Variants in MAP9 observed in about 807,000 individuals in gnomAD.
The protein encoded by MAP9 is microtubule-associated protein 9.
Under a neutral mutation model 75.2 loss-of-function variants are expected in MAP9, and 80 were observed. That is an observed-to-expected ratio of 1.06 (90% CI 0.89 to 1.28). The LOEUF is 1.28. Ranked by LOEUF, MAP9 falls within the 50% of genes most tolerant of loss-of-function variation. The pLI is 0.00. For synonymous variants in MAP9, 235 were observed against 237.3 expected (o/e 0.99, Z 0.09); for missense variants, 753 against 719.9 (o/e 1.05, Z -0.53).
chr4:155,353,214 C>T lies in MAP9; in HGVS notation c.1507G>A (p.Glu503Lys). The T allele has an allele frequency of 6.3e-7, 1 of 1,599,608 alleles. No individual in the cohort carries two copies. The highest frequency in any genetic ancestry group is 8.5e-7 in the Non-Finnish European group (1 of 1,174,598). The change falls in exon 11 of 14, where the codon GAA becomes AAA. Residue 503 changes from glutamate to lysine, a missense_variant. By Grantham distance (56) the Glu-to-Lys change is moderately conservative. Transcript: ENST00000311277. ...LEEKNKKKTE[E>K]ENAARKGEAL... is the part of the protein sequence containing the mutation. Reference sequence around the variant, plus strand: ...TCTCCTTTTCTTGCAGCATTTTCTTCTTCAGTTTTCTTCTTGTTTTTTTCT... The same window carrying T: ...TCTCCTTTTCTTGCAGCATTTTCTTTTTCAGTTTTCTTCTTGTTTTTTTCT...
Position 155,347,046 on chromosome 4 carries a change from A to G in MAP9, c.*737T>C, listed in dbSNP as rs1352787934. ...TGTGGAATTTCCATAACTAATACAT[A>G]AGTATATCACTACTGTGACATTGAT... is the stretch of plus-strand genomic sequence containing the variant. On this transcript the variant is annotated 3_prime_UTR_variant, in exon 14 of 14. Transcript: ENST00000311277. 6.6e-6 allele frequency: 1 copy of G among 152,174 alleles called. No individual in the cohort carries two copies. Among genetic ancestry groups the G allele is most frequent in the Non-Finnish European group, 1.5e-5 (1 of 68,036 alleles). The allele number at this position is 152,174 out of a possible 1,614,324, so 9.4% of individuals were successfully genotyped here.
chr4:155,364,362 A>C (rs2111251437), intron 5 of MAP9, among the ~76,000 whole-genome samples: 1 of 151,586 alleles, frequency 6.6e-6, no homozygotes, highest in East Asian at 1.9e-4. Flanking sequence ...CTGACAGGAC[A>C]CAAAATGGTA....
Position 155,344,742 on chromosome 4 carries a change from T to G in MAP9, c.*3041A>C, listed in dbSNP as rs1731223990. 6.6e-6 allele frequency: 1 copy of G among 152,012 alleles called. No individual in the cohort carries two copies. Among genetic ancestry groups the G allele is most frequent in the Non-Finnish European group, 1.5e-5 (1 of 67,886 alleles). 9.4% of individuals were successfully genotyped at this position (152,012 alleles called of 1,614,324 possible). A position where few individuals can be genotyped will look rare whatever the true frequency, so the allele number is the denominator to read the frequency against. ...ATCTAAAATGCCATATTGCATCTTT[T>G]AAGTTAAATAGCATTACCACTTTCT... On this transcript the variant is annotated 3_prime_UTR_variant, in exon 14 of 14. Coordinates refer to ENST00000311277, the MANE Select transcript of MAP9 (RefSeq NM_001039580.2).
chr4:155,370,646 CA>C (rs1732551396), intron 4 of MAP9, among the ~76,000 whole-genome samples: 1 of 150,176 alleles, frequency 6.7e-6, no homozygotes, highest in African/African-American at 2.5e-5. Flanking sequence ...GGTGTTGAGT[CA>C]ATTTTTTTTA....
Position 155,353,025 on chromosome 4 carries a change from T to G in MAP9, c.1575A>C (p.Glu525Asp). Residue 525 changes from glutamate (E) to aspartate (D), a missense_variant, in exon 12 of 14, where the codon GAA (glutamate) becomes GAC (aspartate). Glu to Asp is a conservative substitution (Grantham distance 45). Transcript: ENST00000311277. ...CCTTTCTATTTTTCTCTTTAAGATA[T>G]TCCATCTTTTTCTCTTTCCATTTTT... ...AFEKWKEKKM[E>D]YLKEKNRKER... 1.3e-6 allele frequency: 2 copies of G among 1,539,248 alleles called. No homozygotes were observed. Among genetic ancestry groups the G allele is most frequent in the Non-Finnish European group, 1.8e-6 (2 of 1,137,552 alleles).
intron 9 of MAP9, among the ~76,000 whole-genome samples, chr4:155,355,393 T>C (rs751447644): frequency 6.6e-6 from 1 of 152,022 alleles, no homozygotes; most frequent in African/African-American, 2.4e-5. Flanking sequence ...TTTTTGTTCA[T>C]AATAACTCCT....
At chr4:155,353,857 A>G (rs915089728) in intron 10 of MAP9, among the ~76,000 whole-genome samples, 18 of 152,206 alleles carry the variant, frequency 1.2e-4, no homozygotes, top group African/African-American at 4.3e-4. Context: ...CCAAATGTTG[A>G]AAGTATGTGC....
intron 5 of MAP9, among the ~76,000 whole-genome samples, chr4:155,367,706 A>G (rs1732393452): frequency 6.6e-6 from 1 of 152,226 alleles, no homozygotes; most frequent in Non-Finnish European, 1.5e-5. Context: ...ACTGCAGAAC[A>G]AGATTTGAAT....
At chr4:155,369,008 C>A (rs1324807626) in intron 4 of MAP9, among the ~76,000 whole-genome samples, 196 bp from the exon 5 acceptor site, 1 of 152,070 alleles carries the variant, frequency 6.6e-6, no homozygotes, top group African/African-American at 2.4e-5. Context: ...ATAATCAGGC[C>A]GGACGCGGTG....
intron 10 of MAP9, 140 bp downstream of exon 10, chr4:155,354,931 C>G (rs1340428692): frequency 4.4e-6 from 2 of 457,940 alleles, no homozygotes; most frequent in East Asian, 8.8e-5. Context: ...TAAAGTAAAA[C>G]AGAAGTAAAA....
rs753039289 is a variant in MAP9, at chr4:155,368,625, T to C, written c.669A>G (p.Glu223=). 1.6e-5 allele frequency: 26 copies of C among 1,614,090 alleles called. No individual in the cohort carries two copies. In the South Asian group the frequency reaches 2.7e-4, roughly 17 times the overall value. ...SLPTPNGIQL[E]AEKKAFSENL... is the part of the protein sequence containing the mutation. ...TTTCAGAGAATGCTTTTTTCTCAGC[T>C]TCTAATTGTATGCCATTCGGCGTTG... The change falls in exon 5 of 14, where the codon GAA becomes GAG. Residue 223 remains glutamate, a synonymous_variant. Transcript: ENST00000311277.
In MAP9 at chr4:155,355,853, T is replaced by G. The variant is rs1384002927; in HGVS notation, c.1153A>C (p.Ser385Arg). The G allele has an allele frequency of 1.9e-6, 3 of 1,613,444 alleles. No homozygotes were observed. In the East Asian group the frequency reaches 6.7e-5, roughly 36 times the overall value. ...GTCGATGGAGTTCTCCTTTTAGAACTAGATTTCTTCAAAAACTCAGAGGTC... is the reference window on the plus strand; with the variant it reads ...GTCGATGGAGTTCTCCTTTTAGAACGAGATTTCTTCAAAAACTCAGAGGTC... ...LMTSEFLKKS[S>R]SKRRTPSTTT... is the part of the protein sequence containing the mutation. Residue 385 changes from serine (S) to arginine (R), a missense_variant, in exon 9 of 14, where the codon AGT becomes CGT. Physicochemically the swap from Ser to Arg is moderately radical, Grantham distance 110 (BLOSUM62 -1). Coordinates refer to ENST00000311277, the MANE Select transcript of MAP9 (RefSeq NM_001039580.2).
intron 4 of MAP9, among the ~76,000 whole-genome samples, chr4:155,369,389 T>C (rs1336460248): frequency 6.8e-6 from 1 of 147,978 alleles, no homozygotes; most frequent in East Asian, 1.9e-4. Flanking sequence ...AAAGAAACAG[T>C]TGTCATCCTG....
At chr4:155,370,192 A>T (rs1299734570) in intron 4 of MAP9, among the ~76,000 whole-genome samples, 2 of 152,054 alleles carry the variant, frequency 1.3e-5, no homozygotes, top group African/African-American at 2.4e-5. Context: ...ATCAATTCTA[A>T]TTGCCAAATA....
At chr4:155,372,557 A>C (rs1250001151) in intron 4 of MAP9, among the ~76,000 whole-genome samples, 2 of 152,190 alleles carry the variant, frequency 1.3e-5, no homozygotes, top group Non-Finnish European at 2.9e-5. Flanking sequence ...ACTGAATCTT[A>C]GTAGATTTTC....
intron 4 of MAP9, 139 bp from the exon 5 acceptor site, chr4:155,368,951 CTCT>C: frequency 1.5e-6 from 1 of 657,796 alleles, no homozygotes; most frequent in Non-Finnish European, 2.6e-6. Flanking sequence ...AAGCCCACAA[CTCT>C]TCTCTATACA....
In MAP9 at chr4:155,373,230, G is replaced by A; in HGVS notation, c.387C>T (p.Phe129=). ...DGCEDIVVKS[F]SESQNKDEEF... ...CCTCATCCTTATTTTGAGATTCAGAGAAAGATTTTACAACAATGTCTTCAC... is the reference window on the plus strand; with the variant it reads ...CCTCATCCTTATTTTGAGATTCAGAAAAAGATTTTACAACAATGTCTTCAC... The change falls in exon 4 of 14, where the codon TTC becomes TTT. Residue 129 remains phenylalanine, a synonymous_variant. Transcript: ENST00000311277. 1 of 1,610,182 alleles carries A rather than the reference G, an allele frequency of 6.2e-7. No individual in the cohort carries two copies. The highest frequency in any genetic ancestry group is 1.1e-5 in the South Asian group (1 of 89,792).
At chr4:155,355,619 CCAT>C (rs1446339082) in intron 9 of MAP9, 94 bp downstream of exon 9, 54 of 878,722 alleles carry the variant, frequency 6.1e-5, no homozygotes, top group Non-Finnish European at 8.8e-5. Context: ...AAGTATTAAA[CCAT>C]CATTTTCTAT....
chr4:155,352,744 T>C lies in MAP9; in HGVS notation c.1689-16A>G. 2.0e-6 allele frequency: 3 copies of C among 1,534,128 alleles called. No individual in the cohort carries two copies. The highest frequency in any genetic ancestry group is 2.6e-6 in the Non-Finnish European group (3 of 1,135,762). On this transcript the variant is annotated splice_polypyrimidine_tract_variant and intron_variant, in intron 12 of 13. Transcript: ENST00000311277. The stretch of plus-strand genomic sequence containing the variant: ...TTTTTCATTCCTATAGAGCATAGTA[T>C]AAAACACTGGAGAGTTAAAGGAAAA...
Sources: allele counts gnomAD v4.1 joint callset (sites outside exome capture counted in the v4.1 genomes callset), GRCh38; gene constraint gnomAD v4.1.1; transcripts MANE v1.5; gene names NCBI Gene and HGNC (gene_info 2026-07-23, HGNC 2026-07-21).